PSMA1: variants seen among roughly 807,000 people sequenced by gnomAD.
PSMA1 encodes proteasome 20S subunit alpha 1, also known as proteasome subunit alpha type-1.
Under a neutral mutation model 38.4 loss-of-function variants are expected in PSMA1, and 3 were observed. That is an observed-to-expected ratio of 0.08 (90% confidence interval 0.04 to 0.20). The LOEUF (loss-of-function observed/expected upper bound fraction) is 0.20. PSMA1 is among the 10% of genes least tolerant of loss of function. The pLI, the probability that PSMA1 is intolerant of heterozygous loss-of-function variation, is 1.00. For synonymous variants in PSMA1, 101 were observed against 107.1 expected, an observed-to-expected ratio of 0.94 and a Z score of 0.35; for missense variants, 227 against 325.3, an observed-to-expected ratio of 0.70 and a Z score of 2.32.
intron 2 of PSMA1, among the ~76,000 whole-genome samples, chr11:14,554,035 A>C (rs899359112): frequency 2.0e-5 from 3 of 151,898 alleles, no homozygotes; most frequent in Middle Eastern, 3.4e-3. Flanking sequence ...TCATGGTTTT[A>C]ATTTGCATCT....
chr11:14,549,056 G>T (rs1851858249), intron 2 of PSMA1, among the ~76,000 whole-genome samples: 1 of 148,274 alleles, frequency 6.7e-6, no homozygotes, highest in Admixed American at 6.7e-5. Flanking sequence ...TGCTATTACT[G>T]TTTTTTTTTT....
rs916865369 is a variant in PSMA1 at position 14,554,004 on chromosome 11, T to C, written c.22-34963A>G. ...ATTGTCATTATTTTAGCCATCCTAA[T>C]AGGTATATAATGATATCTCATCATG... On this transcript the variant is annotated intron_variant, in intron 2 of 10. Coordinates refer to the PSMA1 transcript ENST00000418988. Among the ~76,000 whole-genome samples, 10 of 152,316 alleles carry C rather than the reference T, an allele frequency of 6.6e-5. No homozygotes were observed. The South Asian group carries it at 1.9e-3, about 28-fold the overall frequency.
chr11:14,630,744 C>G (rs1358031596), intron 1 of PSMA1, among the ~76,000 whole-genome samples: 2 of 151,962 alleles, frequency 1.3e-5, no homozygotes, highest in Non-Finnish European at 2.9e-5. Context: ...GGAATGGTAC[C>G]AGTTCCTCCT....
intron 1 of PSMA1, among the ~76,000 whole-genome samples, chr11:14,640,998 T>C (rs770439517): frequency 5.3e-5 from 8 of 152,118 alleles, no homozygotes; most frequent in Non-Finnish European, 1.0e-4. Context: ...TCCCATGTCA[T>C]GGTAAACCAG....
Position 14,637,353 on chromosome 11 carries a change from T to G in PSMA1, c.-166+6102A>C, listed in dbSNP as rs573794939. On this transcript the variant is annotated intron_variant, in intron 1 of 10. Transcript: ENST00000418988. ...ATCTCTTCATCTGTGAACTACTCCA[T>G]GTCCTATCACTGTACCTGGTAAGAA... Among the ~76,000 whole-genome samples, 31 of 152,336 alleles carry G rather than the reference T, an allele frequency of 2.0e-4. No homozygotes were observed. In the South Asian group the frequency reaches 6.2e-3, roughly 30 times the overall value.
rs189913266 is a variant in PSMA1, at chr11:14,591,859, C to T, written c.21+19107G>A. On this transcript the variant is annotated intron_variant, in intron 2 of 10. Transcript: ENST00000418988. ...GCTGCCCCAGCCAGCAGTGGCAACCCGCTCGGGTCCCCTTCCACACTGTGG... is the reference window on the plus strand; with the variant it reads ...GCTGCCCCAGCCAGCAGTGGCAACCTGCTCGGGTCCCCTTCCACACTGTGG... Among the ~76,000 whole-genome samples the T allele has an allele frequency of 4.7e-3, 714 of 152,238 alleles. 5 individuals are homozygous for T. Among genetic ancestry groups the T allele is most frequent in the Non-Finnish European group, 7.6e-3 (518 of 68,002 alleles).
rs187541115 is a variant in PSMA1, at chr11:14,564,880, C to T, written c.22-45839G>A. On this transcript the variant is annotated intron_variant, in intron 2 of 10. Transcript: ENST00000418988. The stretch of plus-strand genomic sequence containing the variant: ...TGCAGTTCAACCTCCTAGGCTCAGG[C>T]CTTCCTCCCACCTCAGCCTACCAAG... Among the ~76,000 whole-genome samples the T allele has an allele frequency of 2.0e-3, 296 of 151,794 alleles. 8 individuals are homozygous for T. Among genetic ancestry groups the T allele is most frequent in the African/African-American group, 1.4e-3 (60 of 41,384 alleles).
At chr11:14,581,824 G>A (rs1048084424) in intron 2 of PSMA1, among the ~76,000 whole-genome samples, 9 of 152,112 alleles carry the variant, frequency 5.9e-5, no homozygotes, top group Admixed American at 4.6e-4. Flanking sequence ...TCTTCTATAC[G>A]AATTTTATTC....
chr11:14,583,871 T>C (rs1307121586), intron 2 of PSMA1, among the ~76,000 whole-genome samples: 1 of 152,188 alleles, frequency 6.6e-6, no homozygotes, highest in Non-Finnish European at 1.5e-5. Context: ...CACCCCTGCT[T>C]CTGAAAACGG....
At chr11:14,522,478 T>G (rs1210042543), upstream of PSMA1, among the ~76,000 whole-genome samples, 2 of 152,224 alleles carry the variant, frequency 1.3e-5, no homozygotes, top group Non-Finnish European at 2.9e-5. Flanking sequence ...CCATTTAATA[T>G]TCTACGCTGC....
At chr11:14,516,765 A>G (rs1202468133) in intron 4 of PSMA1, among the ~76,000 whole-genome samples, 1 of 152,134 alleles carries the variant, frequency 6.6e-6, no homozygotes, top group African/African-American at 2.4e-5. Flanking sequence ...GTCTCTACTA[A>G]AAATACAAAA....
At position 14,617,122 on chromosome 11, in the gene PSMA1, T is replaced by C. The variant is rs1852782958; in HGVS notation, c.-165-5971A>G. 2.0e-5 allele frequency among the ~76,000 whole-genome samples: 3 copies of C among 152,170 alleles called. 1 individual carries two copies. The highest frequency in any genetic ancestry group is 1.3e-4 in the Admixed American group (2 of 15,270). On this transcript the variant is annotated intron_variant, in intron 1 of 10. Transcript: ENST00000418988. ...GTGTGGAGGGAGAAAATAAGGGGCT[T>C]GTGTTGCATGCCCACTTTCTTTTTT...
At chr11:14,642,064 T>C (rs577713582) in intron 1 of PSMA1, among the ~76,000 whole-genome samples, 77 of 152,284 alleles carry the variant, frequency 5.1e-4, no homozygotes, top group African/African-American at 1.8e-3. Flanking sequence ...CCAATCCTAC[T>C]TTAGATGATA....
upstream of PSMA1, among the ~76,000 whole-genome samples, chr11:14,523,590 A>ATT (rs35903786): frequency 2.1e-4 from 28 of 136,270 alleles, no homozygotes; most frequent in Admixed American, 3.7e-4. Context: ...CTCAGGATAC[A>ATT]TTTTTTTTTT....
At chr11:14,518,665 T>C (rs1851475527) in intron 2 of PSMA1, among the ~76,000 whole-genome samples, 1 of 152,192 alleles carries the variant, frequency 6.6e-6, no homozygotes. Flanking sequence ...TATTTGCTAC[T>C]TTGTATCTCC....
At chr11:14,516,082 T>C (rs967712032) in intron 4 of PSMA1, among the ~76,000 whole-genome samples, 2 of 151,594 alleles carry the variant, frequency 1.3e-5, no homozygotes, top group African/African-American at 4.8e-5. Flanking sequence ...TGGTGGCACA[T>C]GCTTGTAGTC....
intron 1 of PSMA1, among the ~76,000 whole-genome samples, chr11:14,627,988 C>G (rs1188705609): frequency 6.6e-6 from 1 of 152,098 alleles, no homozygotes; most frequent in Admixed American, 6.6e-5. Context: ...AGGAACCAGG[C>G]TGCACAACAG....
intron 1 of PSMA1, among the ~76,000 whole-genome samples, chr11:14,636,525 G>A (rs1853115225): frequency 2.0e-5 from 3 of 152,044 alleles, no homozygotes; most frequent in African/African-American, 4.8e-5. Flanking sequence ...CTCTCATAGG[G>A]GATATCTCTT....
chr11:14,602,094 G>A (rs1235560504), intron 2 of PSMA1, among the ~76,000 whole-genome samples: 2 of 152,086 alleles, frequency 1.3e-5, no homozygotes, highest in Non-Finnish European at 2.9e-5. Context: ...TCCTAGCTCC[G>A]GCTCAGTAGA....
Sources: allele counts gnomAD v4.1 joint callset (sites outside exome capture counted in the v4.1 genomes callset), GRCh38; gene constraint gnomAD v4.1.1; transcripts MANE v1.5; gene names NCBI Gene and HGNC (gene_info 2026-07-23, HGNC 2026-07-21).